The following CDH18 variants were observed in gnomAD, a reference collection of about 807,000 sequenced individuals.
CDH18 encodes the protein cadherin-18.
A neutral mutation model predicts 67.9 loss-of-function variants in CDH18; 31 were observed. That is an observed-to-expected ratio of 0.46 (90% confidence interval 0.34 to 0.62). CDH18 has a LOEUF of 0.62. Among genes scored for constraint, CDH18 ranks in the 20% least tolerant of loss-of-function variants. The probability of loss-of-function intolerance (pLI) is 0.01; values close to 1 mark genes in which losing one functional copy is unlikely to be tolerated. For synonymous variants in CDH18, 362 were observed against 347.2 expected (o/e 1.04, Z -0.48); for missense variants, 890 against 975.5 (o/e 0.91, Z 1.17).
chr5:19,774,420 A>ATTAAAT (rs1774060405), intron 3 of CDH18, among the ~76,000 whole-genome samples: 1 of 98,860 alleles, frequency 1.0e-5, no homozygotes, highest in Non-Finnish European at 2.0e-5. Context: ...CAAAAATAAA[A>ATTAAAT]TAAAATTAAA....
chr5:19,617,988 T>C (rs1407482330), intron 5 of CDH18, among the ~76,000 whole-genome samples: 1 of 152,102 alleles, frequency 6.6e-6, no homozygotes, highest in Non-Finnish European at 1.5e-5. Flanking sequence ...TTTTACCCAC[T>C]AAAAAGAATC....
At chr5:19,863,547 C>T (rs1785128356) in intron 2 of CDH18, among the ~76,000 whole-genome samples, 1 of 152,174 alleles carries the variant, frequency 6.6e-6, no homozygotes, top group Admixed American at 6.5e-5. Flanking sequence ...TTGCCTCATC[C>T]TCCTCCCCAT....
chr5:20,154,439 CGACA>C (rs1751366976), intron 2 of CDH18, among the ~76,000 whole-genome samples: 1 of 152,012 alleles, frequency 6.6e-6, no homozygotes, highest in Admixed American at 6.6e-5. Context: ...TTCATGAGCT[CGACA>C]GTCTTCCCAA....
intron 1 of CDH18, among the ~76,000 whole-genome samples, chr5:20,547,167 A>T (rs1392622972): frequency 6.6e-6 from 1 of 152,206 alleles, no homozygotes; most frequent in Non-Finnish European, 1.5e-5. Flanking sequence ...TTATGTTAGA[A>T]AGTGAGATTT....
intron 7 of CDH18, among the ~76,000 whole-genome samples, chr5:19,583,196 G>A (rs1743560776): frequency 6.6e-6 from 1 of 151,870 alleles, no homozygotes; most frequent in South Asian, 2.1e-4. Context: ...AAAATTATCA[G>A]TACATTCACA....
intron 5 of CDH18, among the ~76,000 whole-genome samples, chr5:19,675,017 A>G (rs1759271679): frequency 1.3e-5 from 2 of 152,072 alleles, no homozygotes; most frequent in Non-Finnish European, 2.9e-5. Flanking sequence ...AAGAGTACAA[A>G]AGAGAGAAAT....
rs368914029 is a variant in CDH18, at chr5:20,280,963, G to C, written c.-579-25458C>G. On this transcript the variant is annotated intron_variant, in intron 1 of 14. Coordinates refer to the CDH18 transcript ENST00000507958. ...TTGCATTTCTCTGATGGCCAGTGATGATGAGCATTTTTTCATGTGTTTTTG... is the reference window on the plus strand; with the variant it reads ...TTGCATTTCTCTGATGGCCAGTGATCATGAGCATTTTTTCATGTGTTTTTG... Among the ~76,000 whole-genome samples, 5 of 152,306 alleles carry C rather than the reference G, an allele frequency of 3.3e-5. No individual in the cohort carries two copies. The East Asian group carries it at 9.7e-4, about 29-fold the overall frequency.
intron 5 of CDH18, among the ~76,000 whole-genome samples, chr5:19,656,122 T>C (rs1315314966): frequency 6.6e-6 from 1 of 151,734 alleles, no homozygotes; most frequent in African/African-American, 2.4e-5. Context: ...AGAGTTACCT[T>C]CCATGCAAGT....
chr5:20,558,520 C>G (rs981820319), intron 1 of CDH18, among the ~76,000 whole-genome samples: 1 of 152,038 alleles, frequency 6.6e-6, no homozygotes, highest in African/African-American at 2.4e-5. Flanking sequence ...AACCCAGGTA[C>G]TGCATGCAGC....
At chr5:19,679,429 A>G (rs1380102471) in intron 5 of CDH18, among the ~76,000 whole-genome samples, 1 of 152,034 alleles carries the variant, frequency 6.6e-6, no homozygotes, top group African/African-American at 2.4e-5. Context: ...CTCCTATTCA[A>G]CATAGTACTG....
intron 2 of CDH18, among the ~76,000 whole-genome samples, chr5:20,086,025 G>A (rs900656595): frequency 7.2e-5 from 11 of 152,162 alleles, no homozygotes; most frequent in Non-Finnish European, 1.2e-4. Flanking sequence ...GGCTTCTTGC[G>A]CAAAACAGTG....
chr5:20,316,281 G>A (rs1222651576), intron 1 of CDH18, among the ~76,000 whole-genome samples: 1 of 152,030 alleles, frequency 6.6e-6, no homozygotes, highest in East Asian at 1.9e-4. Context: ...CATTATCGAT[G>A]TGGAAAGTGA....
At chr5:20,410,440 T>C (rs1746669759) in intron 1 of CDH18, among the ~76,000 whole-genome samples, 1 of 151,810 alleles carries the variant, frequency 6.6e-6, no homozygotes, top group Non-Finnish European at 1.5e-5. Flanking sequence ...CACACTTTCA[T>C]GATAAAAACT....
rs138996095 is a variant in CDH18 at position 20,095,512 on chromosome 5, T to TGGAA, written c.-517-103502_-517-103499dup. On this transcript the variant is annotated intron_variant, in intron 2 of 14. Transcript: ENST00000507958. ...GAGGGAGGGAGGGAGGGAGGGAGGA[T>TGGAA]GGAAGGAAGGAAGGAAGGAAGGAAA... 2.4e-3 allele frequency among the ~76,000 whole-genome samples: 153 copies of TGGAA among 63,618 alleles called. 1 individual carries two copies. Among genetic ancestry groups the TGGAA allele is most frequent in the Non-Finnish European group, 3.3e-3 (103 of 30,848 alleles). The allele number at this position is 63,618 out of a possible 152,430, so 41.7% of individuals were successfully genotyped here. A position where few individuals can be genotyped will look rare whatever the true frequency, so the allele number is the denominator to read the frequency against.
At chr5:19,930,037 T>G (rs746178057) in intron 2 of CDH18, among the ~76,000 whole-genome samples, 13 of 151,992 alleles carry the variant, frequency 8.6e-5, no homozygotes, top group African/African-American at 3.1e-4. Context: ...TAACACCCAT[T>G]GATAAAAGGT....
At chr5:20,489,814 G>A (rs1051932099) in intron 1 of CDH18, among the ~76,000 whole-genome samples, 1 of 151,446 alleles carries the variant, frequency 6.6e-6, no homozygotes, top group African/African-American at 2.4e-5. Context: ...AAATAACCAT[G>A]GTTACTGTAG....
chr5:20,293,864 G>A (rs938198315), intron 1 of CDH18, among the ~76,000 whole-genome samples: 1 of 152,192 alleles, frequency 6.6e-6, no homozygotes, highest in South Asian at 2.1e-4. Flanking sequence ...TGAAACGAGT[G>A]TAAACAGGAT....
chr5:20,153,813 A>C (rs905994091), intron 2 of CDH18, among the ~76,000 whole-genome samples: 1 of 152,192 alleles, frequency 6.6e-6, no homozygotes, highest in Non-Finnish European at 1.5e-5. Flanking sequence ...AGGCTCTACC[A>C]TGATGACCTT....
intron 1 of CDH18, among the ~76,000 whole-genome samples, chr5:20,466,493 CAACT>C (rs575740139): frequency 3.6e-4 from 55 of 152,134 alleles, no homozygotes; most frequent in Non-Finnish European, 5.3e-4. Flanking sequence ...ATAATGTTTA[CAACT>C]AACAAATTAT....
Sources: gnomAD v4.1 joint callset for allele counts (sites outside exome capture counted in the v4.1 genomes callset) on GRCh38, gnomAD v4.1.1 for gene constraint, MANE v1.5 for transcripts, NCBI Gene and HGNC (gene_info 2026-07-23, HGNC 2026-07-21) for gene names.